LHFPL6: variants seen among roughly 807,000 people sequenced by gnomAD.
LHFPL6 encodes LHFPL tetraspan subfamily member 6 protein.
In LHFPL6, 9 loss-of-function variants were observed where a neutral mutation model predicts 20.6. The observed-to-expected ratio is 0.44, with a 90% CI of 0.26 to 0.76. The LOEUF is 0.76. LHFPL6 is among the 30% of genes least tolerant of loss of function. The pLI is 0.20. For synonymous variants in LHFPL6, 105 were observed against 98.7 expected (o/e 1.06, Z -0.38); for missense variants, 218 against 253.5 (o/e 0.86, Z 0.95).
At chr13:39,349,553 T>C (rs1216133116) in intron 3 of LHFPL6, among the ~76,000 whole-genome samples, 1 of 152,208 alleles carries the variant, frequency 6.6e-6, no homozygotes, top group Non-Finnish European at 1.5e-5. Context: ...TTGTTGGGAA[T>C]AATATAATTC....
intron 2 of LHFPL6, among the ~76,000 whole-genome samples, chr13:39,445,688 A>T (rs1470688564): frequency 6.6e-6 from 1 of 152,206 alleles, no homozygotes; most frequent in Non-Finnish European, 1.5e-5. Context: ...TTAACTACAT[A>T]TTTGGTACAG....
intron 2 of LHFPL6, among the ~76,000 whole-genome samples, chr13:39,555,623 T>C (rs1487483142): frequency 2.0e-5 from 3 of 152,138 alleles, no homozygotes; most frequent in Non-Finnish European, 1.5e-5. Context: ...ATAATAAACA[T>C]AAGTGAAGGC....
chr13:39,557,132 G>T (rs1871328825), intron 2 of LHFPL6, among the ~76,000 whole-genome samples: 1 of 152,112 alleles, frequency 6.6e-6, no homozygotes, highest in Non-Finnish European at 1.5e-5. Context: ...ACAAGAAAAA[G>T]GCCTAGAAAG....
chr13:39,519,023 G>A (rs931214784), intron 2 of LHFPL6, among the ~76,000 whole-genome samples: 17 of 152,172 alleles, frequency 1.1e-4, no homozygotes, highest in African/African-American at 4.1e-4. Context: ...ATCACTTGAG[G>A]TCAGGAGTTT....
chr13:39,418,382 CTTTTT>C (rs71077297), intron 2 of LHFPL6, among the ~76,000 whole-genome samples: 3 of 129,738 alleles, frequency 2.3e-5, no homozygotes, highest in African/African-American at 6.0e-5. Context: ...TTTTTTTGGT[CTTTTT>C]TTTTTTTTTT....
intron 2 of LHFPL6, among the ~76,000 whole-genome samples, chr13:39,522,791 G>A (rs1247008534): frequency 6.6e-6 from 1 of 152,182 alleles, no homozygotes; most frequent in Non-Finnish European, 1.5e-5. Context: ...AAAGTGTTTT[G>A]TTCTTCTTGT....
At chr13:39,590,170 A>C (rs531772572) in intron 2 of LHFPL6, among the ~76,000 whole-genome samples, 6 of 152,244 alleles carry the variant, frequency 3.9e-5, no homozygotes, top group Non-Finnish European at 7.3e-5. Context: ...CTGTTAAAAA[A>C]AAATTAATCA....
intron 2 of LHFPL6, among the ~76,000 whole-genome samples, chr13:39,392,541 C>T (rs1349876018): frequency 6.6e-6 from 1 of 152,140 alleles, no homozygotes; most frequent in Non-Finnish European, 1.5e-5. Context: ...TTGCAGTGAG[C>T]CAAGATTGCC....
At chr13:39,479,845 T>C (rs9576815) in intron 2 of LHFPL6, among the ~76,000 whole-genome samples, 2,190 of 152,286 alleles carry the variant, frequency 0.014, 42 homozygotes, top group South Asian at 0.096. Flanking sequence ...AGATCAACAT[T>C]GACAGTCTCC....
At chr13:39,385,613 T>C (rs1039592283) in intron 2 of LHFPL6, among the ~76,000 whole-genome samples, 5 of 152,258 alleles carry the variant, frequency 3.3e-5, no homozygotes, top group African/African-American at 1.2e-4. Flanking sequence ...TTTCTTTGAA[T>C]TTGAGTGTGT....
intron 2 of LHFPL6, among the ~76,000 whole-genome samples, chr13:39,429,372 C>G (rs1238337452): frequency 6.6e-6 from 1 of 152,116 alleles, no homozygotes; most frequent in South Asian, 2.1e-4. Flanking sequence ...TCTATCTTTA[C>G]AAAATCTTCC....
rs773094087 is a variant in LHFPL6, at chr13:39,394,051, C to T, written c.386-15525G>A. ...GAACTACTTGGGCTAAAGCAATCCTCTGGCCTCGCCTCCCATATAGCTGGG... is the reference window on the plus strand; with the variant it reads ...GAACTACTTGGGCTAAAGCAATCCTTTGGCCTCGCCTCCCATATAGCTGGG... On this transcript the variant is annotated intron_variant, in intron 2 of 3. Transcript: ENST00000379589. Among the ~76,000 whole-genome samples the T allele has an allele frequency of 7.2e-5, 11 of 152,308 alleles. No homozygotes were observed. The South Asian group carries it at 1.4e-3, about 20-fold the overall frequency.
intron 3 of LHFPL6, among the ~76,000 whole-genome samples, chr13:39,368,385 C>T (rs927298592): frequency 6.6e-6 from 1 of 151,906 alleles, no homozygotes; most frequent in Admixed American, 6.6e-5. Context: ...AGATCAAGAC[C>T]ATCCTGGCCA....
At chr13:39,549,645 G>C (rs572942051) in intron 2 of LHFPL6, among the ~76,000 whole-genome samples, 36 of 152,200 alleles carry the variant, frequency 2.4e-4, no homozygotes, top group African/African-American at 8.4e-4. Flanking sequence ...ATATAACCCA[G>C]CAGTCTTAAT....
rs545356891 is a variant in LHFPL6, at chr13:39,482,485, T to C, written c.386-103959A>G. On this transcript the variant is annotated intron_variant, in intron 2 of 3. Coordinates refer to ENST00000379589, the MANE Select transcript of LHFPL6 (RefSeq NM_005780.3). ...AGAAGAACAGTCTTACCCAAATTAA[T>C]AGGTCAAGCACAGGAAGATAAGAAT... Among the ~76,000 whole-genome samples the C allele has an allele frequency of 7.9e-5, 12 of 151,156 alleles. No homozygotes were observed. The East Asian group carries it at 1.8e-3, about 22-fold the overall frequency.
chr13:39,444,188 C>A (rs761296903), intron 2 of LHFPL6, among the ~76,000 whole-genome samples: 1 of 152,022 alleles, frequency 6.6e-6, no homozygotes, highest in Non-Finnish European at 1.5e-5. Flanking sequence ...ATCTAAGCAG[C>A]AAAGTGTTTA....
intron 2 of LHFPL6, among the ~76,000 whole-genome samples, chr13:39,505,022 C>G (rs533752927): frequency 5.9e-5 from 9 of 152,164 alleles, no homozygotes; most frequent in Non-Finnish European, 1.2e-4. Flanking sequence ...GATGAAAGGA[C>G]TTGTATGTTC....
chr13:39,434,004 C>G (rs1428393264), intron 2 of LHFPL6, among the ~76,000 whole-genome samples: 2 of 152,156 alleles, frequency 1.3e-5, no homozygotes, highest in Non-Finnish European at 2.9e-5. Context: ...TTTGATGACT[C>G]TTACAGACTC....
intron 2 of LHFPL6, among the ~76,000 whole-genome samples, chr13:39,464,329 T>C (rs967492607): frequency 1.3e-5 from 2 of 152,166 alleles, no homozygotes; most frequent in Non-Finnish European, 2.9e-5. Context: ...CTGATGGAAA[T>C]AGATCCTATA....
Sources: gnomAD v4.1 joint callset for allele counts (sites outside exome capture counted in the v4.1 genomes callset) on GRCh38, gnomAD v4.1.1 for gene constraint, MANE v1.5 for transcripts, NCBI Gene and HGNC (gene_info 2026-07-23, HGNC 2026-07-21) for gene names.